The following CDYL2 variants were observed in gnomAD, a reference collection of about 807,000 sequenced individuals.
The protein encoded by CDYL2 is chromodomain Y like 2.
A neutral mutation model predicts 49.4 loss-of-function variants in CDYL2; 23 were observed. That is an observed-to-expected ratio of 0.47 (90% CI 0.34 to 0.66). The LOEUF (loss-of-function observed/expected upper bound fraction) is 0.66. Among genes scored for constraint, CDYL2 ranks in the 30% least tolerant of loss-of-function variants. The pLI, the probability that CDYL2 is intolerant of heterozygous loss-of-function variation, is 0.01. For missense variants in CDYL2, 678 were observed against 656.4 expected (o/e 1.03, Z -0.36); for synonymous variants, 360 against 268.8 (o/e 1.34, Z -3.32).
intron 2 of CDYL2, among the ~76,000 whole-genome samples, chr16:80,675,384 T>C (rs890529656): frequency 5.9e-5 from 9 of 152,194 alleles, no homozygotes; most frequent in African/African-American, 2.2e-4. Context: ...AACTGCTCCA[T>C]CAGAGAACCA....
At chr16:80,752,307 G>C (rs965449424) in intron 1 of CDYL2, among the ~76,000 whole-genome samples, 1 of 152,118 alleles carries the variant, frequency 6.6e-6, no homozygotes, top group Non-Finnish European at 1.5e-5. Context: ...GGGAAAGTCT[G>C]TGTCTGTCTG....
chr16:80,642,311 C>A (rs562568854), intron 2 of CDYL2, among the ~76,000 whole-genome samples: 3 of 152,070 alleles, frequency 2.0e-5, no homozygotes, highest in African/African-American at 7.2e-5. Context: ...GGCATGGTGG[C>A]ATGCCCCTGT....
chr16:80,682,632 T>C lies in CDYL2; in HGVS notation c.616+1906A>G, dbSNP rs542655794. 1.1e-4 allele frequency among the ~76,000 whole-genome samples: 17 copies of C among 152,300 alleles called. 1 individual carries two copies. The South Asian group carries it at 3.5e-3, about 32-fold the overall frequency. On this transcript the variant is annotated intron_variant, in intron 2 of 6. Coordinates refer to ENST00000570137, the MANE Select transcript of CDYL2 (RefSeq NM_152342.4). ...GCTTTACTCTTGGGATTGCCCCATA[T>C]GAGCAGGGCAGGGAGCTGCTAACAG...
chr16:80,768,823 G>A (rs1906813351), intron 1 of CDYL2, among the ~76,000 whole-genome samples: 1 of 152,128 alleles, frequency 6.6e-6, no homozygotes, highest in African/African-American at 2.4e-5. Flanking sequence ...GTCTTTCAAT[G>A]TTTCAGTCTT....
chr16:80,672,535 A>AAAGGAAAGGAAAGGAAAGGAAAGGAAAGG (rs1461387134), intron 2 of CDYL2, among the ~76,000 whole-genome samples: 13 of 46,324 alleles, frequency 2.8e-4, no homozygotes, highest in Non-Finnish European at 3.6e-4. Context: ...AAGGAAAAGG[A>AAAGGAAAGGAAAGGAAAGGAAAGGAAAGG]AAAGGAAAGG....
chr16:80,677,144 T>A (rs1909783336), intron 2 of CDYL2, among the ~76,000 whole-genome samples: 1 of 151,878 alleles, frequency 6.6e-6, no homozygotes, highest in South Asian at 2.1e-4. Context: ...CTAATTTTTG[T>A]ATTTTTTTGG....
chr16:80,634,684 A>C (rs1907736826), intron 2 of CDYL2, among the ~76,000 whole-genome samples: 2 of 152,196 alleles, frequency 1.3e-5, no homozygotes, highest in Admixed American at 6.5e-5. Flanking sequence ...AGAAATACTA[A>C]GAAAAACTGC....
At chr16:80,611,517 C>T (rs10468365) in intron 5 of CDYL2, among the ~76,000 whole-genome samples, 2,687 of 152,204 alleles carry the variant, frequency 0.018, 84 homozygotes, top group African/African-American at 0.062. Flanking sequence ...CCTACTCGGA[C>T]CAGCTACATG....
Position 80,721,315 on chromosome 16 carries a change from C to T in CDYL2, c.25-36186G>A, listed in dbSNP as rs543660606. ...ATTCCCATTTGATACCTAAGAAAAC[C>T]GAGGCTCAGAAAAATTAAAGGGTTT... On this transcript the variant is annotated intron_variant, in intron 1 of 6. Transcript: ENST00000570137. Among the ~76,000 whole-genome samples the T allele has an allele frequency of 2.6e-4, 39 of 152,268 alleles. 1 individual carries two copies. Among genetic ancestry groups the T allele is most frequent in the African/African-American group, 6.0e-4 (25 of 41,550 alleles).
chr16:80,638,414 G>C (rs1357709135), intron 2 of CDYL2, among the ~76,000 whole-genome samples: 1 of 152,052 alleles, frequency 6.6e-6, no homozygotes, highest in Non-Finnish European at 1.5e-5. Context: ...TTCCCAACTT[G>C]ATCTATAGAC....
chr16:80,711,171 G>C (rs1206865722), intron 1 of CDYL2, among the ~76,000 whole-genome samples: 1 of 152,246 alleles, frequency 6.6e-6, no homozygotes, highest in Non-Finnish European at 1.5e-5. Context: ...TGAAAACCAG[G>C]TGGGAGGATT....
At chr16:80,762,083 G>A (rs1288794794) in intron 1 of CDYL2, among the ~76,000 whole-genome samples, 1 of 152,010 alleles carries the variant, frequency 6.6e-6, no homozygotes, top group African/African-American at 2.4e-5. Context: ...GTACTCGGGA[G>A]GCTGAGGCAG....
At chr16:80,740,486 A>C (rs184125147) in intron 1 of CDYL2, among the ~76,000 whole-genome samples, 2 of 152,242 alleles carry the variant, frequency 1.3e-5, no homozygotes, top group African/African-American at 4.8e-5. Context: ...CCTGACATTC[A>C]AAACCATTAT....
intron 1 of CDYL2, among the ~76,000 whole-genome samples, chr16:80,789,341 G>A (rs1401299880): frequency 6.6e-6 from 1 of 152,138 alleles, no homozygotes; most frequent in Non-Finnish European, 1.5e-5. Flanking sequence ...GGTGGCTCAC[G>A]CCTGTAATCC....
intron 3 of CDYL2, among the ~76,000 whole-genome samples, chr16:80,628,786 T>C (rs554808713): frequency 1.3e-5 from 2 of 152,310 alleles, no homozygotes; most frequent in South Asian, 4.1e-4. Context: ...AACAAATGTT[T>C]ACTGAATTAA....
At chr16:80,652,107 G>A (rs1474289362) in intron 2 of CDYL2, among the ~76,000 whole-genome samples, 1 of 152,152 alleles carries the variant, frequency 6.6e-6, no homozygotes, top group African/African-American at 2.4e-5. Flanking sequence ...TCAGCTGAGA[G>A]GGCCCAGAAT....
At chr16:80,708,770 T>A (rs1904489629) in intron 1 of CDYL2, among the ~76,000 whole-genome samples, 1 of 152,142 alleles carries the variant, frequency 6.6e-6, no homozygotes, top group Admixed American at 6.5e-5. Flanking sequence ...TGTACTTATA[T>A]GTAGAAAGTA....
Position 80,644,469 on chromosome 16 carries a change from T to A in CDYL2, c.617-11233A>T, listed in dbSNP as rs367651551. Among the ~76,000 whole-genome samples the A allele has an allele frequency of 2.6e-5, 4 of 152,312 alleles. No homozygotes were observed. The South Asian group carries it at 8.3e-4, about 32-fold the overall frequency. On this transcript the variant is annotated intron_variant, in intron 2 of 6. Coordinates refer to ENST00000570137, the MANE Select transcript of CDYL2 (RefSeq NM_152342.4). The stretch of plus-strand genomic sequence containing the variant: ...TTTCAGCAACATCCCACTCTACTTG[T>A]ACCAATTTCATGCTGCTGATAAAGA...
chr16:80,756,835 A>T (rs571377269), intron 1 of CDYL2, among the ~76,000 whole-genome samples: 101 of 151,772 alleles, frequency 6.7e-4, no homozygotes, highest in African/African-American at 2.3e-3. Context: ...AGAAGTTATA[A>T]ATTAGCATTA....
Sources: gnomAD v4.1 joint callset for allele counts (sites outside exome capture counted in the v4.1 genomes callset) on GRCh38, gnomAD v4.1.1 for gene constraint, MANE v1.5 for transcripts, NCBI Gene and HGNC (gene_info 2026-07-23, HGNC 2026-07-21) for gene names.